The following FANCL variants were observed in gnomAD, a reference collection of about 807,000 sequenced individuals.
FANCL encodes FA complementation group L, also known as E3 ubiquitin-protein ligase FANCL.
FANCL carries 69 observed loss-of-function variants against 59.4 expected under a neutral mutation model. That is an observed-to-expected ratio of 1.16 (90% CI 0.96 to 1.42). FANCL has a LOEUF of 1.42. Among genes scored for constraint, FANCL ranks in the 40% most tolerant of loss-of-function variants. The pLI is 0.00. For missense variants in FANCL, 519 were observed against 447.2 expected, an observed-to-expected ratio of 1.16 and a Z score of -1.45; for synonymous variants, 180 against 147.1, an observed-to-expected ratio of 1.22 and a Z score of -1.62.
chr2:58,204,884 C>G (rs1228317845), intron 5 of FANCL, among the ~76,000 whole-genome samples: 1 of 152,008 alleles, frequency 6.6e-6, no homozygotes, highest in Admixed American at 6.6e-5. Context: ...CTTTAAGTTA[C>G]CCTAAATGCA....
chr2:58,217,962 C>G (rs1186420047), intron 5 of FANCL, among the ~76,000 whole-genome samples: 1 of 152,062 alleles, frequency 6.6e-6, no homozygotes, highest in African/African-American at 2.4e-5. Context: ...TAAAGCAAGC[C>G]TCAGTAAACT....
At chr2:58,217,425 T>C (rs1213300196) in intron 5 of FANCL, among the ~76,000 whole-genome samples, 49 of 150,382 alleles carry the variant, frequency 3.3e-4, no homozygotes, top group Admixed American at 3.2e-3. Context: ...GCAAGAAAAA[T>C]ATTTTAAAAC....
intron 6 of FANCL, among the ~76,000 whole-genome samples, chr2:58,199,754 CAT>C (rs1689804803): frequency 6.6e-6 from 1 of 151,944 alleles, no homozygotes; most frequent in Admixed American, 6.6e-5. Flanking sequence ...TAAAAATACC[CAT>C]TTCTTTTCAT....
At chr2:58,177,350 T>C (rs550918960) in intron 7 of FANCL, among the ~76,000 whole-genome samples, 138 of 152,210 alleles carry the variant, frequency 9.1e-4, no homozygotes, top group Non-Finnish European at 1.5e-3. Context: ...ATTGCAGCAC[T>C]ATTCACAACA....
chr2:58,209,811 T>C (rs1044028224), intron 5 of FANCL, among the ~76,000 whole-genome samples: 17 of 152,332 alleles, frequency 1.1e-4, no homozygotes, highest in South Asian at 1.0e-3. Context: ...GAATTTAGTA[T>C]GAACAAGGAT....
chr2:58,204,094 T>C, intron 6 of FANCL, 36 bp downstream of exon 6: 2 of 1,500,512 alleles, frequency 1.3e-6, no homozygotes, highest in South Asian at 1.1e-5. Context: ...CACAAAGTAT[T>C]TTCTGATCAC....
At chr2:58,223,710 T>C (rs1692701267) in intron 4 of FANCL, among the ~76,000 whole-genome samples, 1 of 152,004 alleles carries the variant, frequency 6.6e-6, no homozygotes, top group African/African-American at 2.4e-5. Flanking sequence ...GGCTCAGCTC[T>C]AAAATAGAAA....
intron 1 of FANCL, among the ~76,000 whole-genome samples, chr2:58,235,904 T>C (rs968033571): frequency 1.3e-5 from 2 of 151,862 alleles, no homozygotes; most frequent in African/African-American, 2.4e-5. Context: ...AAAGAAGGTA[T>C]TAGTATACCT....
intron 5 of FANCL, among the ~76,000 whole-genome samples, chr2:58,212,197 A>G (rs929350662): frequency 1.3e-5 from 2 of 152,224 alleles, no homozygotes; most frequent in African/African-American, 4.8e-5. Context: ...GGCAAAGAGG[A>G]GCAAGTCCCA....
At position 58,232,036 on chromosome 2, in the gene FANCL, A is replaced by T. The variant is rs1573820307; in HGVS notation, c.155+18T>A. The T allele has an allele frequency of 6.8e-6, 11 of 1,610,082 alleles. No individual in the cohort carries two copies. Among genetic ancestry groups the T allele is most frequent in the Middle Eastern group, 1.7e-4 (1 of 6,050 alleles). ...CCAAAATGCAAAAATGCACGTTTATAACTAAACACCATATCACCTTGCATT... is the reference window on the plus strand; with the variant it reads ...CCAAAATGCAAAAATGCACGTTTATTACTAAACACCATATCACCTTGCATT... On this transcript the variant is annotated intron_variant, in intron 2 of 13. Transcript: ENST00000233741.
chr2:58,193,729 G>T (rs537342285), intron 7 of FANCL, among the ~76,000 whole-genome samples: 3 of 152,162 alleles, frequency 2.0e-5, no homozygotes, highest in African/African-American at 7.2e-5. Flanking sequence ...TTGGTCAAAA[G>T]AACTTCCACA....
At chr2:58,209,878 T>C (rs1189484085) in intron 5 of FANCL, among the ~76,000 whole-genome samples, 1 of 152,138 alleles carries the variant, frequency 6.6e-6, no homozygotes, top group Admixed American at 6.5e-5. Context: ...ATACAAAATA[T>C]CACCATTAAT....
intron 7 of FANCL, among the ~76,000 whole-genome samples, chr2:58,175,725 G>T (rs1687229806): frequency 6.6e-6 from 1 of 151,854 alleles, no homozygotes; most frequent in Admixed American, 6.6e-5. Flanking sequence ...AAACCAGCAG[G>T]ACAGGGATGC....
rs751391869 is a variant in FANCL, at chr2:58,232,150, T to C, written c.97-38A>G. On this transcript the variant is annotated intron_variant, in intron 1 of 13. Coordinates refer to ENST00000233741, the MANE Select transcript of FANCL (RefSeq NM_018062.4). ...TTGAAAAGGATCACTCAAATTTTTA[T>C]CTTTCACTTAATGCTGAGAAGTTAA... 3.1e-5 allele frequency: 47 copies of C among 1,527,542 alleles called. 1 individual carries two copies. In the Middle Eastern group the frequency reaches 1.9e-3, roughly 60 times the overall value. 94.6% of individuals were successfully genotyped at this position (1,527,542 alleles called of 1,614,324 possible). A position where few individuals can be genotyped will look rare whatever the true frequency, so the allele number is the denominator to read the frequency against.
At chr2:58,215,745 A>C (rs953883095) in intron 5 of FANCL, among the ~76,000 whole-genome samples, 1 of 151,260 alleles carries the variant, frequency 6.6e-6, no homozygotes, top group Non-Finnish European at 1.5e-5. Context: ...TCTCTTGAGG[A>C]TAGAGAGAGA....
At chr2:58,163,242 A>G in intron 9 of FANCL, 168 bp from the exon 10 acceptor site, 1 of 744,330 alleles carries the variant, frequency 1.3e-6, no homozygotes, top group South Asian at 1.7e-5. Context: ...ATTGTCATTT[A>G]AAATAACTAT....
chr2:58,224,339 C>G (rs1438522491), intron 4 of FANCL, among the ~76,000 whole-genome samples: 1 of 151,674 alleles, frequency 6.6e-6, no homozygotes, highest in Non-Finnish European at 1.5e-5. Flanking sequence ...GAGATGTAAA[C>G]CAAATATGCT....
intron 4 of FANCL, among the ~76,000 whole-genome samples, chr2:58,223,398 G>T (rs13418724): frequency 2.6e-5 from 4 of 151,852 alleles, no homozygotes; most frequent in Admixed American, 6.6e-5. Flanking sequence ...CTTCTTTCAA[G>T]ATTTGTTTTT....
chr2:58,211,396 C>G (rs1409939916), intron 5 of FANCL, among the ~76,000 whole-genome samples: 1 of 152,158 alleles, frequency 6.6e-6, no homozygotes, highest in Non-Finnish European at 1.5e-5. Flanking sequence ...GTGCTGGGAC[C>G]CTGTGCCCAC....
Sources: gnomAD v4.1 joint callset for allele counts (sites outside exome capture counted in the v4.1 genomes callset) on GRCh38, gnomAD v4.1.1 for gene constraint, MANE v1.5 for transcripts, NCBI Gene and HGNC (gene_info 2026-07-23, HGNC 2026-07-21) for gene names.